MYRIP: variants seen among roughly 807,000 people sequenced by gnomAD.
MYRIP encodes myosin VIIA and Rab interacting protein.
In MYRIP, 49 loss-of-function variants were observed where a neutral mutation model predicts 98.0. That is an observed-to-expected ratio of 0.50 (90% CI 0.40 to 0.63). The LOEUF is 0.63. Among genes scored for constraint, MYRIP ranks in the 30% least tolerant of loss-of-function variants. The pLI, the probability that MYRIP is intolerant of heterozygous loss-of-function variation, is 0.00. For synonymous variants in MYRIP, 404 were observed against 409.5 expected, an observed-to-expected ratio of 0.99 and a Z score of 0.16; for missense variants, 1,004 against 1,058.2, an observed-to-expected ratio of 0.95 and a Z score of 0.71.
Position 39,937,361 on chromosome 3 carries a change from G to C in MYRIP, c.110+36435G>C, listed in dbSNP as rs1575395664. Among the ~76,000 whole-genome samples the C allele has an allele frequency of 2.0e-5, 3 of 152,280 alleles. No homozygotes were observed. In the South Asian group the frequency reaches 6.2e-4, roughly 32 times the overall value. On this transcript the variant is annotated intron_variant, in intron 2 of 16. Coordinates refer to ENST00000302541, the MANE Select transcript of MYRIP (RefSeq NM_015460.4). Reference sequence around the variant, plus strand: ...TTTGGCTTTTAACTTTCACCATGAAGAATGGATAGTTTAGCTGAAGGGATC... The same window carrying C: ...TTTGGCTTTTAACTTTCACCATGAACAATGGATAGTTTAGCTGAAGGGATC...
chr3:39,999,756 G>C (rs1301874814), intron 2 of MYRIP, among the ~76,000 whole-genome samples: 1 of 152,122 alleles, frequency 6.6e-6, no homozygotes, highest in Admixed American at 6.5e-5. Context: ...ATTCACGATA[G>C]CAAAGACTTG....
intron 10 of MYRIP, among the ~76,000 whole-genome samples, chr3:40,204,206 ATTTATATAT>A (rs1559452052): frequency 6.6e-5 from 3 of 45,598 alleles, no homozygotes; most frequent in African/African-American, 2.0e-4. Flanking sequence ...TATATTATAT[ATTTATATAT>A]TATATATAAA....
chr3:40,135,832 C>T (rs911683873), intron 3 of MYRIP, among the ~76,000 whole-genome samples: 4 of 152,176 alleles, frequency 2.6e-5, no homozygotes, highest in African/African-American at 9.7e-5. Flanking sequence ...CAAGCAAATG[C>T]TGAGAGATTT....
intron 2 of MYRIP, among the ~76,000 whole-genome samples, chr3:39,996,706 C>A (rs1160408894): frequency 6.6e-6 from 1 of 152,170 alleles, no homozygotes; most frequent in Non-Finnish European, 1.5e-5. Context: ...ACAGAACTCT[C>A]CACCTCAAAT....
intron 11 of MYRIP, among the ~76,000 whole-genome samples, chr3:40,223,920 T>G (rs1374702800): frequency 6.6e-6 from 1 of 152,084 alleles, no homozygotes; most frequent in Non-Finnish European, 1.5e-5. Context: ...TCCTGGATAG[T>G]CATGAACTCT....
At chr3:40,055,415 A>C (rs1315129479) in intron 3 of MYRIP, among the ~76,000 whole-genome samples, 1 of 152,184 alleles carries the variant, frequency 6.6e-6, no homozygotes, top group Non-Finnish European at 1.5e-5. Flanking sequence ...AATGCTCCTC[A>C]TTTAGCCCCT....
intron 2 of MYRIP, among the ~76,000 whole-genome samples, chr3:39,928,750 G>C (rs147367374): frequency 6.6e-6 from 1 of 152,006 alleles, no homozygotes; most frequent in Non-Finnish European, 1.5e-5. Flanking sequence ...AGGACTGAAT[G>C]CTTCCCCCTT....
chr3:40,213,815 A>C (rs1477773836), intron 11 of MYRIP, among the ~76,000 whole-genome samples: 2 of 152,142 alleles, frequency 1.3e-5, no homozygotes, highest in East Asian at 3.9e-4. Flanking sequence ...AGTGCCAGAG[A>C]AATACCACTC....
intron 1 of MYRIP, among the ~76,000 whole-genome samples, chr3:39,819,373 G>A (rs1941036440): frequency 6.6e-6 from 1 of 152,032 alleles, no homozygotes. Flanking sequence ...ACCTAGCTGG[G>A]GAAAACTGGT....
At position 40,070,727 on chromosome 3, in the gene MYRIP, A is replaced by G. The variant is rs77340841; in HGVS notation, c.332+26456A>G. ...ATCCACCCCCTTACCACCCTGGTCCATGGAAAAGTTGCCTTCCATAAAACC... is the reference window on the plus strand; with the variant it reads ...ATCCACCCCCTTACCACCCTGGTCCGTGGAAAAGTTGCCTTCCATAAAACC... On this transcript the variant is annotated intron_variant, in intron 3 of 16. Coordinates refer to ENST00000302541, the MANE Select transcript of MYRIP (RefSeq NM_015460.4). 4.7e-3 allele frequency among the ~76,000 whole-genome samples: 713 copies of G among 152,262 alleles called. 2 individuals are homozygous for G. Among genetic ancestry groups the G allele is most frequent in the African/African-American group, 0.016 (677 of 41,558 alleles).
At chr3:40,040,064 C>T (rs1045032640) in intron 2 of MYRIP, among the ~76,000 whole-genome samples, 1 of 152,136 alleles carries the variant, frequency 6.6e-6, no homozygotes, top group African/African-American at 2.4e-5. Context: ...TCATATAATG[C>T]AGGATAACTA....
intron 1 of MYRIP, among the ~76,000 whole-genome samples, chr3:39,829,742 A>G (rs1353517062): frequency 6.6e-6 from 1 of 152,132 alleles, no homozygotes; most frequent in Non-Finnish European, 1.5e-5. Context: ...AGCATAGTGT[A>G]AGCACAACTT....
chr3:39,889,388 A>G (rs2125656713), intron 1 of MYRIP, among the ~76,000 whole-genome samples: 1 of 152,296 alleles, frequency 6.6e-6, no homozygotes, highest in South Asian at 2.1e-4. Context: ...AGGGACATGG[A>G]TGAAATTGGA....
chr3:39,879,298 G>T (rs1013033163), intron 1 of MYRIP, among the ~76,000 whole-genome samples: 1 of 151,114 alleles, frequency 6.6e-6, no homozygotes, highest in African/African-American at 2.4e-5. Context: ...GGTCTTATTT[G>T]TTTGTCTTAT....
chr3:40,205,198 G>C (rs532168652), intron 10 of MYRIP, among the ~76,000 whole-genome samples: 1 of 152,208 alleles, frequency 6.6e-6, no homozygotes, highest in Admixed American at 6.5e-5. Flanking sequence ...CTGCAAGGCT[G>C]CTTCTCTCTG....
chr3:39,901,189 T>G (rs1943732974), intron 2 of MYRIP, among the ~76,000 whole-genome samples: 1 of 152,238 alleles, frequency 6.6e-6, no homozygotes, highest in Admixed American at 6.5e-5. Flanking sequence ...GAGCTTGTGG[T>G]GAACACGCTG....
chr3:39,862,866 C>T (rs1347482626), intron 1 of MYRIP, among the ~76,000 whole-genome samples: 1 of 152,142 alleles, frequency 6.6e-6, no homozygotes, highest in African/African-American at 2.4e-5. Context: ...ATGGTATGTA[C>T]TCTAAAATCA....
At chr3:39,886,596 C>G (rs184744962) in intron 1 of MYRIP, among the ~76,000 whole-genome samples, 1 of 151,944 alleles carries the variant, frequency 6.6e-6, no homozygotes, top group African/African-American at 2.4e-5. Context: ...CAAAAAAGGC[C>G]ATTATGTAAT....
intron 1 of MYRIP, among the ~76,000 whole-genome samples, chr3:39,892,534 T>C (rs1001512272): frequency 6.6e-5 from 10 of 152,178 alleles, no homozygotes; most frequent in South Asian, 2.1e-4. Flanking sequence ...ATGTAAGTTA[T>C]GTAAATTAAA....
Sources: gnomAD v4.1 joint callset for allele counts (sites outside exome capture counted in the v4.1 genomes callset) on GRCh38, gnomAD v4.1.1 for gene constraint, MANE v1.5 for transcripts, NCBI Gene and HGNC (gene_info 2026-07-23, HGNC 2026-07-21) for gene names.